MYH11: variants seen among roughly 807,000 people sequenced by gnomAD.
MYH11 encodes the protein myosin-11.
MYH11 carries 80 observed loss-of-function variants against 246.6 expected under a neutral mutation model. The observed-to-expected ratio is 0.32, with a 90% confidence interval of 0.27 to 0.39. The LOEUF (loss-of-function observed/expected upper bound fraction) is 0.39, where lower values mean the gene tolerates loss of function less well. Among genes scored for constraint, MYH11 ranks in the 10% least tolerant of loss-of-function variants. MYH11 has a pLI of 1.00. For synonymous variants in MYH11, 1,071 were observed against 1,015.5 expected (o/e 1.05, Z -1.04); for missense variants, 2,158 against 2,546.8 (o/e 0.85, Z 3.29).
intron 4 of MYH11, chr16:15,792,528 G>T (rs920479809): frequency 2.0e-5 from 3 of 152,088 alleles, no homozygotes; most frequent in African/African-American, 7.2e-5. Flanking sequence ...GACTTTGAGG[G>T]TCACGCATTC....
chr16:15,728,500 T>A (rs560297643), intron 27 of MYH11, among the ~76,000 whole-genome samples: 1 of 152,292 alleles, frequency 6.6e-6, no homozygotes. Flanking sequence ...GCCCCCGTCC[T>A]TCACAGGTGT....
chr16:15,847,053 C>G (rs546335602), intron 1 of MYH11, among the ~76,000 whole-genome samples: 1 of 152,206 alleles, frequency 6.6e-6, no homozygotes, highest in South Asian at 2.1e-4. Flanking sequence ...TTCCTTCCCT[C>G]TTATCTTTAA....
chr16:15,721,688 T>C, intron 31 of MYH11, 54 bp from the exon 32 acceptor site: 2 of 1,584,920 alleles, frequency 1.3e-6, no homozygotes, highest in Admixed American at 3.3e-5. Context: ...TCAGCGTCAC[T>C]GAATTGTAAA....
rs148614961 is a variant in MYH11 at position 15,834,996 on chromosome 16, G to A, written c.345+2912C>T. Among the ~76,000 whole-genome samples, 950 of 147,884 alleles carry A rather than the reference G, an allele frequency of 6.4e-3. 3 individuals are homozygous for A. Among genetic ancestry groups the A allele is most frequent in the Non-Finnish European group, 0.01 (701 of 67,528 alleles). The stretch of plus-strand genomic sequence containing the variant: ...CTCAGGAGGCTGAGGTGAGAGGATC[G>A]TTTGAATCCAGGACTTGGAAGCTGT... On this transcript the variant is annotated intron_variant, in intron 2 of 40. Transcript: ENST00000300036.
Position 15,721,668 on chromosome 16 carries a change from A to T in MYH11, c.4366-34T>A, listed in dbSNP as rs187033824. 54 of 1,610,164 alleles carry T rather than the reference A, an allele frequency of 3.4e-5. No individual in the cohort carries two copies. In the East Asian group the frequency reaches 7.1e-4, roughly 21 times the overall value. On this transcript the variant is annotated intron_variant, in intron 31 of 40. Coordinates refer to ENST00000300036, the MANE Select transcript of MYH11 (RefSeq NM_002474.3). ...CAAGACCCAGAGGTGACTTCTAGGCATATCCGGGGTCAGCGTCACTGAATT... is the reference window on the plus strand; with the variant it reads ...CAAGACCCAGAGGTGACTTCTAGGCTTATCCGGGGTCAGCGTCACTGAATT...
At chr16:15,838,472 C>T (rs2043965457) in intron 1 of MYH11, among the ~76,000 whole-genome samples, 3 of 152,076 alleles carry the variant, frequency 2.0e-5, no homozygotes. Flanking sequence ...GCCTAAAATA[C>T]CAAAAGTCAG....
At chr16:15,707,129 C>G (rs558674114) in intron 40 of MYH11, among the ~76,000 whole-genome samples, 9 of 152,226 alleles carry the variant, frequency 5.9e-5, no homozygotes, top group Admixed American at 2.0e-4. Flanking sequence ...GCCTCTGCCT[C>G]CCAGGTTCAA....
chr16:15,712,012 A>C (rs2039826215), intron 40 of MYH11, among the ~76,000 whole-genome samples: 1 of 151,700 alleles, frequency 6.6e-6, no homozygotes, highest in Non-Finnish European at 1.5e-5. Context: ...TCTTTAGGGA[A>C]AGTTGACCAG....
intron 5 of MYH11, chr16:15,784,970 A>G: frequency 4.7e-6 from 2 of 425,916 alleles, no homozygotes; most frequent in Non-Finnish European, 8.3e-6. Flanking sequence ...AGTAGCTAAG[A>G]CTACAGGCAT....
intron 1 of MYH11, among the ~76,000 whole-genome samples, chr16:15,852,308 C>A (rs1012462433): frequency 1.3e-5 from 2 of 150,194 alleles, no homozygotes; most frequent in African/African-American, 4.9e-5. Flanking sequence ...TCATATGTGA[C>A]TGCAACAAGT....
chr16:15,708,737 G>A, intron 40 of MYH11: 1 of 1,514,316 alleles, frequency 6.6e-7, no homozygotes, highest in Non-Finnish European at 9.0e-7. Flanking sequence ...GGGCAGAGGG[G>A]CGCATTGGGC....
At chr16:15,760,861 A>G (rs2041852602) in intron 10 of MYH11, among the ~76,000 whole-genome samples, 1 of 152,172 alleles carries the variant, frequency 6.6e-6, no homozygotes, top group Non-Finnish European at 1.5e-5. Flanking sequence ...CTGAGAGGCA[A>G]TGATTGGGGT....
chr16:15,792,869 C>T (rs187393201), intron 4 of MYH11, among the ~76,000 whole-genome samples: 332 of 152,320 alleles, frequency 2.2e-3, no homozygotes, highest in Non-Finnish European at 3.5e-3. Context: ...TCCTAAGTAG[C>T]TGGGACTACA....
At chr16:15,715,342 G>T in intron 38 of MYH11, 70 bp from the exon 39 acceptor site, 3 of 1,467,484 alleles carry the variant, frequency 2.0e-6, no homozygotes, top group Non-Finnish European at 2.9e-6. Flanking sequence ...GTGTCACCTG[G>T]AGGTGGCATC....
intron 19 of MYH11, among the ~76,000 whole-genome samples, chr16:15,745,567 CTTTT>C: frequency 7.0e-6 from 1 of 143,860 alleles, no homozygotes; most frequent in Non-Finnish European, 1.5e-5. Flanking sequence ...CTAGCTGTTT[CTTTT>C]TTCTTTCTTT....
chr16:15,786,100 T>C (rs2042461634), intron 5 of MYH11: 3 of 267,198 alleles, frequency 1.1e-5, no homozygotes, highest in East Asian at 9.3e-5. Context: ...ACCCAAAAGG[T>C]ACCTTAACCC....
intron 9 of MYH11, among the ~76,000 whole-genome samples, chr16:15,766,125 G>A (rs1567742295): frequency 6.6e-6 from 1 of 152,106 alleles, no homozygotes; most frequent in Non-Finnish European, 1.5e-5. Context: ...AATGTCCCCT[G>A]GGAGGCAAAC....
At position 15,788,793 on chromosome 16, in the gene MYH11, AATAT is replaced by A. The variant is rs373809301; in HGVS notation, c.531-2065_531-2062del. Among the ~76,000 whole-genome samples, 580 of 121,668 alleles carry A rather than the reference AATAT, an allele frequency of 4.8e-3. 8 individuals are homozygous for A. Among genetic ancestry groups the A allele is most frequent in the African/African-American group, 0.017 (514 of 29,534 alleles). 79.8% of individuals were successfully genotyped at this position (121,668 alleles called of 152,430 possible). ...CCCCAGAAGGGGAAACTAAGACCAG[AATAT>A]ATGTGTGTGTGTGTGTGTGTGTGTG... On this transcript the variant is annotated intron_variant, in intron 4 of 40. Coordinates refer to ENST00000300036, the MANE Select transcript of MYH11 (RefSeq NM_002474.3).
intron 1 of MYH11, among the ~76,000 whole-genome samples, chr16:15,856,190 G>T (rs1453348374): frequency 6.6e-6 from 1 of 151,346 alleles, no homozygotes; most frequent in African/African-American, 2.4e-5. Context: ...GGGTATCTGG[G>T]GGCCCTTTGG....
Sources: gnomAD v4.1 joint callset for allele counts (sites outside exome capture counted in the v4.1 genomes callset) on GRCh38, gnomAD v4.1.1 for gene constraint, MANE v1.5 for transcripts, NCBI Gene and HGNC (gene_info 2026-07-23, HGNC 2026-07-21) for gene names.